ABTB3: variants seen among roughly 807,000 people sequenced by gnomAD.
ABTB3 encodes the protein ankyrin repeat and BTB domain containing 3.
the ABTB3 span, among the ~76,000 whole-genome samples, chr12:107,569,732 T>C: frequency 6.6e-6 from 1 of 152,242 alleles, no homozygotes; most frequent in Non-Finnish European, 1.5e-5. Context: ...CAGCCACCAG[T>C]GTCAGAAAAC....
chr12:107,495,882 G>T, the ABTB3 span, among the ~76,000 whole-genome samples: 2 of 152,168 alleles, frequency 1.3e-5, no homozygotes, highest in Non-Finnish European at 2.9e-5. Context: ...TTATTGCGAG[G>T]ATTACATGAC....
the ABTB3 span, among the ~76,000 whole-genome samples, chr12:107,404,969 G>T: frequency 6.6e-6 from 1 of 152,214 alleles, no homozygotes; most frequent in Non-Finnish European, 1.5e-5. Flanking sequence ...ATGGTTTAAG[G>T]ACTCCCCAGA....
At chr12:107,564,421 G>A in the ABTB3 span, among the ~76,000 whole-genome samples, 220 of 152,204 alleles carry the variant, frequency 1.4e-3, 6 homozygotes, top group East Asian at 0.031. Context: ...GTGCAGCTTC[G>A]CATTATTTAA....
the ABTB3 span, among the ~76,000 whole-genome samples, chr12:107,487,142 G>A: frequency 6.6e-6 from 1 of 152,130 alleles, no homozygotes; most frequent in African/African-American, 2.4e-5. Flanking sequence ...AGTGCCCAAT[G>A]CATAGAGATG....
At chr12:107,450,110 C>T in the ABTB3 span, among the ~76,000 whole-genome samples, 1 of 151,946 alleles carries the variant, frequency 6.6e-6, no homozygotes, top group Non-Finnish European at 1.5e-5. Flanking sequence ...TAATGAACAG[C>T]TCACAGAGAC....
chr12:107,611,024 G>A, the ABTB3 span, among the ~76,000 whole-genome samples: 2 of 152,062 alleles, frequency 1.3e-5, no homozygotes, highest in Admixed American at 1.3e-4. Context: ...TTCCAGAGAG[G>A]GAATGACAGG....
At chr12:107,581,412 C>G in the ABTB3 span, 1 of 941,430 alleles carries the variant, frequency 1.1e-6, no homozygotes. Context: ...CCGCACACCT[C>G]GGCGGCGCTG....
chr12:107,368,867 C>T, the ABTB3 span, among the ~76,000 whole-genome samples: 1 of 152,108 alleles, frequency 6.6e-6, no homozygotes, highest in Non-Finnish European at 1.5e-5. Context: ...TTTCATCTGC[C>T]TGTTGACTAT....
chr12:107,450,473 T>C, the ABTB3 span, among the ~76,000 whole-genome samples: 1 of 152,052 alleles, frequency 6.6e-6, no homozygotes, highest in South Asian at 2.1e-4. Context: ...AATGGGGGCT[T>C]GGGTCCTGGC....
At chr12:107,373,232 G>A in the ABTB3 span, among the ~76,000 whole-genome samples, 2 of 152,140 alleles carry the variant, frequency 1.3e-5, no homozygotes, top group African/African-American at 2.4e-5. Context: ...GCTGAGCACC[G>A]GTTTTCTCCC....
the ABTB3 span, among the ~76,000 whole-genome samples, chr12:107,597,056 A>G: frequency 2.6e-5 from 4 of 152,250 alleles, no homozygotes; most frequent in African/African-American, 7.2e-5. Flanking sequence ...GACAAACTCA[A>G]GGGCACATTG....
chr12:107,411,790 GTCTATACCCTGTGAGC>G, the ABTB3 span, among the ~76,000 whole-genome samples: 1 of 152,206 alleles, frequency 6.6e-6, no homozygotes, highest in African/African-American at 2.4e-5. Flanking sequence ...TGAGCTCTCC[GTCTATACCCTGTGAGC>G]TCTCCAAATT....
chr12:107,463,994 A>G, the ABTB3 span, among the ~76,000 whole-genome samples: 4 of 152,150 alleles, frequency 2.6e-5, no homozygotes, highest in Admixed American at 6.5e-5. Flanking sequence ...GGAGATACAG[A>G]TGCTCTCCAA....
chr12:107,618,369 A>C, the ABTB3 span: 1 of 1,612,280 alleles, frequency 6.2e-7, no homozygotes, highest in Non-Finnish European at 8.5e-7. Flanking sequence ...AATTGATATC[A>C]GGAGCATAGG....
At chr12:107,506,892 AG>A in the ABTB3 span, among the ~76,000 whole-genome samples, 1 of 152,252 alleles carries the variant, frequency 6.6e-6, no homozygotes, top group East Asian at 1.9e-4. Context: ...AACTAATAAT[AG>A]GGGTTACCTC....
chr12:107,420,248 C>T, the ABTB3 span, among the ~76,000 whole-genome samples: 1 of 152,296 alleles, frequency 6.6e-6, no homozygotes, highest in Admixed American at 6.5e-5. Flanking sequence ...CACACCATCT[C>T]TCCTAAACCC....
chr12:107,581,360 C>T, the ABTB3 span: 2 of 1,253,612 alleles, frequency 1.6e-6, no homozygotes, highest in Non-Finnish European at 1.0e-6. Flanking sequence ...GGCCTCGCAG[C>T]CTCCACCCCT....
the ABTB3 span, among the ~76,000 whole-genome samples, chr12:107,411,555 T>C: frequency 1.3e-5 from 2 of 152,226 alleles, no homozygotes; most frequent in East Asian, 3.9e-4. Context: ...CCCTCTTTTT[T>C]CTGGCAGGGT....
the ABTB3 span, among the ~76,000 whole-genome samples, chr12:107,495,779 A>G: frequency 6.6e-6 from 1 of 152,204 alleles, no homozygotes; most frequent in African/African-American, 2.4e-5. Context: ...GTCTCAGTGC[A>G]GCTTTGCCCA....
Sources: allele counts gnomAD v4.1 joint callset (sites outside exome capture counted in the v4.1 genomes callset), GRCh38; gene constraint gnomAD v4.1.1; transcripts MANE v1.5; gene names NCBI Gene and HGNC (gene_info 2026-07-23, HGNC 2026-07-21).